The following MTSS1 variants were observed in gnomAD, a reference collection of about 807,000 sequenced individuals.
The protein encoded by MTSS1 is protein MTSS 1.
Under a neutral mutation model 79.0 loss-of-function variants are expected in MTSS1, and 18 were observed. The observed-to-expected ratio is 0.23, with a 90% CI of 0.16 to 0.34. The LOEUF (loss-of-function observed/expected upper bound fraction) is 0.34. MTSS1 is among the 10% of genes least tolerant of loss of function. MTSS1 has a pLI of 1.00. For synonymous variants in MTSS1, 341 were observed against 368.6 expected (o/e 0.93, Z 0.86); for missense variants, 815 against 986.2 (o/e 0.83, Z 2.33).
rs985535277 is a variant in MTSS1 at position 124,597,771 on chromosome 8, G to A, written c.209-6536C>T. Among the ~76,000 whole-genome samples, 13 of 152,214 alleles carry A rather than the reference G, an allele frequency of 8.5e-5. No individual in the cohort carries two copies. The highest frequency in any genetic ancestry group is 2.1e-4 in the South Asian group (1 of 4,834). ...ACTGCTTTGGTGAAAGTGTGCCGCCGTCACAGTAAGTCACTGTGCATCTCT... is the reference window on the plus strand; with the variant it reads ...ACTGCTTTGGTGAAAGTGTGCCGCCATCACAGTAAGTCACTGTGCATCTCT... On this transcript the variant is annotated intron_variant, in intron 3 of 13. Coordinates refer to ENST00000518547, the MANE Select transcript of MTSS1 (RefSeq NM_014751.6). This position sits in a 1 kb window ranked among gnomAD's most constrained non-coding sequence, Gnocchi z 4.6.
At position 124,652,532 on chromosome 8, in the gene MTSS1, A is replaced by T. The variant is rs554921946; in HGVS notation, c.208+46994T>A. ...CAAAACAAGCCACAATGTAAGCCAC[A>T]TGAGTCGTTTAAAAATTTCTAAAGG... On this transcript the variant is annotated intron_variant, in intron 3 of 13. Coordinates refer to ENST00000518547, the MANE Select transcript of MTSS1 (RefSeq NM_014751.6). 1.2e-3 allele frequency among the ~76,000 whole-genome samples: 177 copies of T among 151,278 alleles called. 1 individual carries two copies. The highest frequency in any genetic ancestry group is 6.8e-3 in the Middle Eastern group (2 of 294).
intron 3 of MTSS1, among the ~76,000 whole-genome samples, chr8:124,603,219 T>G (rs568008147): frequency 2.6e-4 from 39 of 152,136 alleles, no homozygotes; most frequent in Non-Finnish European, 4.7e-4. Context: ...AGAGATGAGG[T>G]TTCACCATGT....
chr8:124,691,878 C>T (rs1827998990), intron 3 of MTSS1, among the ~76,000 whole-genome samples: 1 of 151,814 alleles, frequency 6.6e-6, no homozygotes, highest in Non-Finnish European at 1.5e-5. Flanking sequence ...TGGTAATATT[C>T]AAAGAATTTT....
intron 3 of MTSS1, among the ~76,000 whole-genome samples, chr8:124,663,984 T>C (rs1296588460): frequency 1.3e-5 from 2 of 152,174 alleles, no homozygotes; most frequent in Non-Finnish European, 2.9e-5. Context: ...GGCCCAGTGG[T>C]GTCTGCAGAC....
intron 3 of MTSS1, among the ~76,000 whole-genome samples, chr8:124,671,402 C>G (rs1471602910): frequency 2.0e-5 from 3 of 152,200 alleles, no homozygotes; most frequent in Admixed American, 2.0e-4. Context: ...TGTCCTCCCT[C>G]TTTCCACCCA....
intron 3 of MTSS1, among the ~76,000 whole-genome samples, chr8:124,650,784 T>C (rs1819822023): frequency 6.6e-6 from 1 of 152,138 alleles, no homozygotes; most frequent in South Asian, 2.1e-4. Context: ...ATCTGACTTA[T>C]CCACTGCTCC....
chr8:124,557,887 C>G lies in MTSS1; in HGVS notation c.1036-12G>C. On this transcript the variant is annotated splice_polypyrimidine_tract_variant and intron_variant, in intron 10 of 13. Coordinates refer to ENST00000518547, the MANE Select transcript of MTSS1 (RefSeq NM_014751.6). ...AACCCGTTAGACAACTGGAAACAAACAAAAAAAGGGGGGGGGAAGGAAAAA... is the reference window on the plus strand; with the variant it reads ...AACCCGTTAGACAACTGGAAACAAAGAAAAAAAGGGGGGGGGAAGGAAAAA... The G allele has an allele frequency of 2.2e-6, 3 of 1,391,660 alleles. No homozygotes were observed. The highest frequency in any genetic ancestry group is 2.9e-6 in the Non-Finnish European group (3 of 1,042,454). 86.2% of individuals were successfully genotyped at this position (1,391,660 alleles called of 1,614,324 possible).
At chr8:124,609,157 G>A (rs1835343133) in intron 3 of MTSS1, among the ~76,000 whole-genome samples, 2 of 152,204 alleles carry the variant, frequency 1.3e-5, no homozygotes, top group Admixed American at 6.5e-5. Context: ...CTGACGGGAT[G>A]TCCTGAGACA....
intron 5 of MTSS1, among the ~76,000 whole-genome samples, chr8:124,587,570 C>T (rs1175823315): frequency 6.6e-6 from 1 of 152,232 alleles, no homozygotes; most frequent in African/African-American, 2.4e-5. Context: ...GCAATCTCAG[C>T]TCACCGCAGC....
At chr8:124,675,018 G>A (rs985820556) in intron 3 of MTSS1, among the ~76,000 whole-genome samples, 2 of 152,176 alleles carry the variant, frequency 1.3e-5, no homozygotes, top group Admixed American at 6.5e-5. Flanking sequence ...CACCATGTCC[G>A]GCCCTCTTAA....
chr8:124,710,592 C>G (rs1831017109), intron 1 of MTSS1, among the ~76,000 whole-genome samples: 1 of 152,194 alleles, frequency 6.6e-6, no homozygotes, highest in African/African-American at 2.4e-5. Context: ...AGCAATCGGC[C>G]AACAGCCATT....
At chr8:124,573,255 ACT>A (rs1828241284) in intron 6 of MTSS1, among the ~76,000 whole-genome samples, 1 of 151,130 alleles carries the variant, frequency 6.6e-6, no homozygotes, top group South Asian at 2.1e-4. Context: ...TCCCATCTTC[ACT>A]CTGCTGTCCC....
At chr8:124,606,785 T>C (rs1262166789) in intron 3 of MTSS1, among the ~76,000 whole-genome samples, 4 of 152,170 alleles carry the variant, frequency 2.6e-5, no homozygotes, top group Admixed American at 2.0e-4. Context: ...TTGGCCGGTC[T>C]GCATCCAAGG....
intron 3 of MTSS1, among the ~76,000 whole-genome samples, chr8:124,638,110 G>A (rs1371035514): frequency 1.3e-5 from 2 of 152,212 alleles, no homozygotes; most frequent in African/African-American, 4.8e-5. Context: ...GTTATTCCTG[G>A]ATCTTTTTAG....
chr8:124,663,725 T>G (rs1822525279), intron 3 of MTSS1, among the ~76,000 whole-genome samples: 1 of 152,134 alleles, frequency 6.6e-6, no homozygotes, highest in African/African-American at 2.4e-5. Context: ...TGCCCCTCTG[T>G]CCATTCCCGT....
At chr8:124,598,811 G>A (rs886076608) in intron 3 of MTSS1, among the ~76,000 whole-genome samples, 1 of 152,186 alleles carries the variant, frequency 6.6e-6, no homozygotes, top group Non-Finnish European at 1.5e-5. Context: ...CAAAATACTG[G>A]AAATACCCAA....
chr8:124,727,215 A>G lies in MTSS1; in HGVS notation c.72+669T>C, dbSNP rs1485804293. Among the ~76,000 whole-genome samples, 2 of 152,150 alleles carry G rather than the reference A, an allele frequency of 1.3e-5. No homozygotes were observed. Among genetic ancestry groups the G allele is most frequent in the Non-Finnish European group, 2.9e-5 (2 of 68,004 alleles). ...GGATACAGTTATTTCGGGGGCCCCA[A>G]TCTTGCCTTTAGGCTCAGCTGGGAG... On this transcript the variant is annotated intron_variant, in intron 1 of 13. Coordinates refer to ENST00000518547, the MANE Select transcript of MTSS1 (RefSeq NM_014751.6). This position sits in a 1 kb window ranked among gnomAD's most constrained non-coding sequence, Gnocchi z 4.7.
chr8:124,636,271 A>G (rs1185779783), intron 3 of MTSS1, among the ~76,000 whole-genome samples: 2 of 152,124 alleles, frequency 1.3e-5, no homozygotes, highest in African/African-American at 2.4e-5. Context: ...CTCGGACTAC[A>G]CTTGTGTGCC....
intron 3 of MTSS1, among the ~76,000 whole-genome samples, chr8:124,647,261 T>C (rs1819167022): frequency 6.6e-6 from 1 of 152,252 alleles, no homozygotes; most frequent in Non-Finnish European, 1.5e-5. Flanking sequence ...TGGATACATC[T>C]AGATTTAGAG....
Sources: allele counts gnomAD v4.1 joint callset (sites outside exome capture counted in the v4.1 genomes callset), GRCh38; gene constraint gnomAD v4.1.1; non-coding constraint Gnocchi (gnomAD v3.1); transcripts MANE v1.5; gene names NCBI Gene and HGNC (gene_info 2026-07-23, HGNC 2026-07-21).